Variants in HLTF observed in about 807,000 individuals in gnomAD.
HLTF encodes DNA-dependent ATPase/E3 ubiquitin-protein ligase HLTF.
Under a neutral mutation model 129.4 loss-of-function variants are expected in HLTF, and 127 were observed. That is an observed-to-expected ratio of 0.98 (90% CI 0.85 to 1.14). The LOEUF (loss-of-function observed/expected upper bound fraction) is 1.14. Among genes scored for constraint, HLTF ranks in the 50% most tolerant of loss-of-function variants. HLTF has a pLI of 0.00. For missense variants in HLTF, 1,139 were observed against 1,187.1 expected (o/e 0.96, Z 0.60); for synonymous variants, 332 against 388.8 (o/e 0.85, Z 1.72).
In HLTF at chr3:149,046,137, T is replaced by A. The variant is rs762423430; in HGVS notation, c.2015A>T (p.Asp672Val). 1 of 1,611,746 alleles carries A rather than the reference T, an allele frequency of 6.2e-7. No homozygotes were observed. The highest frequency in any genetic ancestry group is 8.5e-7 in the Non-Finnish European group (1 of 1,178,760). The change falls in exon 18 of 25, where the codon GAT becomes GTT. Residue 672 changes from aspartate to valine, a missense_variant. Physicochemically the swap from Asp to Val is radical, Grantham distance 152. Coordinates refer to ENST00000310053, the MANE Select transcript of HLTF (RefSeq NM_003071.4). ...KVFIQHITLS[D>V]EERKIYQSVK... ...AGACTGATAAATCTTTCTCTCTTCA[T>A]CTGAAAGTGTAATGTGCTGAATAAA...
chr3:149,035,248 A>G (rs1308611296), intron 23 of HLTF, among the ~76,000 whole-genome samples: 1 of 152,080 alleles, frequency 6.6e-6, no homozygotes, highest in Non-Finnish European at 1.5e-5. Context: ...AGCACCCAAA[A>G]TAAGTATTTG....
intron 4 of HLTF, among the ~76,000 whole-genome samples, chr3:149,073,994 T>C (rs959752363): frequency 2.6e-5 from 4 of 152,172 alleles, no homozygotes; most frequent in Non-Finnish European, 5.9e-5. Flanking sequence ...TTAATTTTTT[T>C]AATATCCCCT....
At chr3:149,072,112 A>G (rs753016558) in intron 5 of HLTF, among the ~76,000 whole-genome samples, 23 of 152,222 alleles carry the variant, frequency 1.5e-4, no homozygotes, top group Non-Finnish European at 3.1e-4. Flanking sequence ...TCAAACGCCA[A>G]AAAGGCACAT....
chr3:149,048,761 C>A, intron 16 of HLTF, 102 bp downstream of exon 16: 2 of 790,590 alleles, frequency 2.5e-6, no homozygotes, highest in East Asian at 2.5e-5. Flanking sequence ...AATTTTGGGG[C>A]AGAATTTACA....
intron 2 of HLTF, among the ~76,000 whole-genome samples, chr3:149,080,150 C>T (rs1719746067): frequency 1.3e-5 from 2 of 151,986 alleles, no homozygotes; most frequent in Non-Finnish European, 1.5e-5. Context: ...AATCCATATA[C>T]ACAGGAAGAA....
At chr3:149,038,122 TA>T (rs1002428187) in intron 23 of HLTF, among the ~76,000 whole-genome samples, 28 of 152,328 alleles carry the variant, frequency 1.8e-4, no homozygotes, top group Admixed American at 1.8e-3. Context: ...TTCCTGGGTC[TA>T]ATCCTAGAAC....
chr3:149,069,012 G>A (rs1576613272), intron 7 of HLTF, among the ~76,000 whole-genome samples: 1 of 152,086 alleles, frequency 6.6e-6, no homozygotes, highest in South Asian at 2.1e-4. Flanking sequence ...ATACTACTAA[G>A]ACAGACCTTA....
intron 2 of HLTF, 70 bp from the exon 3 acceptor site, chr3:149,076,117 G>A (rs2108057939): frequency 1.7e-6 from 1 of 597,144 alleles, no homozygotes; most frequent in Non-Finnish European, 2.7e-6. Context: ...TACTTTATCT[G>A]GGATTTCCAT....
rs1410319819 is a variant in HLTF, at chr3:149,040,136, T to A, written c.2397A>T (p.Leu799Phe). The part of the protein sequence containing the change: ...QNEQPHAKCP[L>F]CRNDIHEDNL... ...TATCTTCATGTATATCATTTCTGCA[T>A]AAAGGGCATTTAGCATGTGGCTATA... Residue 799 changes from leucine to phenylalanine, a missense_variant, in exon 21 of 25, where the codon TTA becomes TTT. Coordinates refer to ENST00000310053, the MANE Select transcript of HLTF (RefSeq NM_003071.4). 6.2e-7 allele frequency: 1 copy of A among 1,608,354 alleles called. No homozygotes were observed. Among genetic ancestry groups the A allele is most frequent in the Non-Finnish European group, 8.5e-7 (1 of 1,178,042 alleles).
intron 23 of HLTF, among the ~76,000 whole-genome samples, chr3:149,035,991 C>CA (rs1250301647): frequency 7.3e-5 from 11 of 151,444 alleles, no homozygotes; most frequent in African/African-American, 2.7e-4. Flanking sequence ...AAAAATTAGC[C>CA]GGGCGTGGTG....
intron 2 of HLTF, among the ~76,000 whole-genome samples, chr3:149,083,014 G>A (rs1720003848): frequency 6.6e-6 from 1 of 152,180 alleles, no homozygotes; most frequent in Non-Finnish European, 1.5e-5. Flanking sequence ...CACTTTGGAA[G>A]GCCGAGGTGA....
intron 17 of HLTF, among the ~76,000 whole-genome samples, chr3:149,046,564 T>TTC (rs1716564843): frequency 6.6e-6 from 1 of 152,198 alleles, no homozygotes; most frequent in Non-Finnish European, 1.5e-5. Flanking sequence ...ACTCTTTTAC[T>TTC]TCTCAACTGT....
At chr3:149,065,093 T>C (rs1718246214) in intron 8 of HLTF, among the ~76,000 whole-genome samples, 1 of 152,244 alleles carries the variant, frequency 6.6e-6, no homozygotes, top group South Asian at 2.1e-4. Context: ...ATAAAACTAC[T>C]TGGCCTTCAC....
chr3:149,050,340 GT>G lies in HLTF; in HGVS notation c.1508del (p.His503ProfsTer2). 1 of 1,591,914 alleles carries G rather than the reference GT, an allele frequency of 6.3e-7. No homozygotes were observed. Among genetic ancestry groups the G allele is most frequent in the Non-Finnish European group, 8.6e-7 (1 of 1,165,934 alleles). On this transcript the variant is annotated frameshift_variant, in exon 15 of 25. Transcript: ENST00000310053. LOFTEE classifies it high-confidence loss of function. ...GACCATAATAAACATAAAAATTCAA[GT>G]GTACATCTGATTTTATATGTTGTCC... ...QFGQHIKSDVHLNFYVYYGPD... is the reference protein window; with the variant it reads ...QFGQHIKSDVXLNFYVYYGPD...
At chr3:149,082,339 G>A in intron 2 of HLTF, among the ~76,000 whole-genome samples, 1 of 152,176 alleles carries the variant, frequency 6.6e-6, no homozygotes, top group East Asian at 1.9e-4. Context: ...GGCGCCTGTA[G>A]TCCCAGCTAC....
At chr3:149,075,834 T>C in intron 3 of HLTF, 47 bp downstream of exon 3, 2 of 1,357,880 alleles carry the variant, frequency 1.5e-6, no homozygotes, top group Non-Finnish European at 2.0e-6. Flanking sequence ...AGTTCAAAGA[T>C]GACTATAATT....
chr3:149,041,266 C>A (rs1716111492), intron 20 of HLTF, among the ~76,000 whole-genome samples: 1 of 152,014 alleles, frequency 6.6e-6, no homozygotes, highest in South Asian at 2.1e-4. Flanking sequence ...TATTGAACAG[C>A]AATGATATAA....
chr3:149,086,206 C>G, intron 1 of HLTF, 111 bp downstream of exon 1: 1 of 1,140,016 alleles, frequency 8.8e-7, no homozygotes, highest in East Asian at 2.5e-5. Flanking sequence ...AGAACGAATA[C>G]AGCTGCACAA....
intron 5 of HLTF, 109 bp from the exon 6 acceptor site, chr3:149,071,766 G>T: frequency 1.4e-6 from 1 of 725,626 alleles, no homozygotes; most frequent in Non-Finnish European, 2.3e-6. Context: ...TGTCAAACGG[G>T]CCAGGAGTGG....
Sources: allele counts gnomAD v4.1 joint callset (sites outside exome capture counted in the v4.1 genomes callset), GRCh38; gene constraint gnomAD v4.1.1; transcripts MANE v1.5; gene names NCBI Gene and HGNC (gene_info 2026-07-23, HGNC 2026-07-21).